Variants in NCBP3 observed in about 807,000 individuals in gnomAD.
NCBP3 encodes the protein nuclear cap binding subunit 3.
In NCBP3, 20 loss-of-function variants were observed where a neutral mutation model predicts 75.7. That is an observed-to-expected ratio of 0.26 (90% CI 0.19 to 0.38). NCBP3 has a LOEUF of 0.38. Ranked by LOEUF, NCBP3 falls within the 10% of genes least tolerant of loss-of-function variation. The probability of loss-of-function intolerance (pLI) is 1.00; values close to 1 mark genes in which losing one functional copy is unlikely to be tolerated. For missense variants in NCBP3, 678 were observed against 796.9 expected, an observed-to-expected ratio of 0.85 and a Z score of 1.80; for synonymous variants, 293 against 290.5, an observed-to-expected ratio of 1.01 and a Z score of -0.09.
At position 3,807,206 on chromosome 17, in the gene NCBP3, CA is replaced by C. The variant is rs1255083172; in HGVS notation, c.*5837del. Reference sequence around the variant, plus strand: ...AGGACCACAGGCTTAAGAACTGGCTCAGCAGTCCTTCTTTAGGGTCTAGCGC... The same window carrying C: ...AGGACCACAGGCTTAAGAACTGGCTCGCAGTCCTTCTTTAGGGTCTAGCGC... On this transcript the variant is annotated 3_prime_UTR_variant, in exon 13 of 13. Coordinates refer to ENST00000389005, the MANE Select transcript of NCBP3 (RefSeq NM_001114118.3). The C allele has an allele frequency of 6.6e-6, 1 of 152,238 alleles. No individual in the cohort carries two copies. The highest frequency in any genetic ancestry group is 1.5e-5 in the Non-Finnish European group (1 of 68,054). The allele number at this position is 152,238 out of a possible 1,614,324, so 9.4% of individuals were successfully genotyped here. A position where few individuals can be genotyped will look rare whatever the true frequency, so the allele number is the denominator to read the frequency against.
Position 3,813,150 on chromosome 17 carries a change from T to C in NCBP3, c.1757A>G (p.Lys586Arg). ...ELQRAWGALIKEKEQSRQKKS... is the reference protein window; with the variant it reads ...ELQRAWGALIREKEQSRQKKS... ...CTTTTGGCGAGACTGCTCTTTCTCC[T>C]TAATCAGAGCCCCCCATGCCCTTTG... is the stretch of plus-strand genomic sequence containing the variant. The change falls in exon 13 of 13, where the codon AAG (lysine) becomes AGG (arginine). Residue 586 changes from lysine to arginine, a missense_variant. Transcript: ENST00000389005. 1 of 1,614,264 alleles carries C rather than the reference T, an allele frequency of 6.2e-7. No individual in the cohort carries two copies.
At position 3,837,981 on chromosome 17, in the gene NCBP3, T is replaced by TAA. The variant is rs1302157551; in HGVS notation, c.355+2117_355+2118dup. Among the ~76,000 whole-genome samples, 480 of 144,930 alleles carry TAA rather than the reference T, an allele frequency of 3.3e-3. 1 individual carries two copies. The highest frequency in any genetic ancestry group is 0.011 in the African/African-American group (415 of 36,648). Reference sequence around the variant, plus strand: ...GAACCGTGAGACTGGAGTTGTACGTTAAAAAAAAAAATTTTTTTAAATTAA... The same window carrying TAA: ...GAACCGTGAGACTGGAGTTGTACGTTAAAAAAAAAAAAATTTTTTTAAATTAA... On this transcript the variant is annotated intron_variant, in intron 3 of 12. Transcript: ENST00000389005.
At chr17:3,843,322 C>T (rs759287854) in intron 1 of NCBP3, among the ~76,000 whole-genome samples, 171 bp from the exon 2 acceptor site, 1 of 151,494 alleles carries the variant, frequency 6.6e-6, no homozygotes, top group Non-Finnish European at 1.5e-5. Flanking sequence ...CACAGCTCAC[C>T]GCAGCCTCGA....
At chr17:3,817,034 C>CA (rs113725373) in intron 10 of NCBP3, among the ~76,000 whole-genome samples, 13,542 of 142,396 alleles carry the variant, frequency 0.095, 1,170 homozygotes, top group African/African-American at 0.23. Flanking sequence ...GACTCCGTCT[C>CA]AAAAAAAAAA....
intron 3 of NCBP3, among the ~76,000 whole-genome samples, chr17:3,837,241 G>A (rs1704907001): frequency 6.8e-6 from 1 of 148,028 alleles, no homozygotes; most frequent in Non-Finnish European, 1.5e-5. Context: ...GCTCACACCT[G>A]TAATCCCAGC....
intron 2 of NCBP3, 122 bp downstream of exon 2, chr17:3,842,963 GA>G (rs1034081342): frequency 1.2e-5 from 11 of 909,796 alleles, no homozygotes; most frequent in Non-Finnish European, 1.5e-5. Flanking sequence ...ATTTTTTTTA[GA>G]AAAAAAATTT....
chr17:3,825,874 C>G (rs1203740175), intron 5 of NCBP3, 31 bp from the exon 6 acceptor site: 4 of 1,514,634 alleles, frequency 2.6e-6, no homozygotes, highest in Non-Finnish European at 3.6e-6. Context: ...CAAGATGAAA[C>G]AAGATAAAAT....
Position 3,812,893 on chromosome 17 carries a change from T to TA in NCBP3, c.*150dup. 2 of 1,453,342 alleles carry TA rather than the reference T, an allele frequency of 1.4e-6. No individual in the cohort carries two copies. Among genetic ancestry groups the TA allele is most frequent in the African/African-American group, 1.4e-5 (1 of 70,208 alleles). 90.0% of individuals were successfully genotyped at this position (1,453,342 alleles called of 1,614,324 possible). On this transcript the variant is annotated 3_prime_UTR_variant, in exon 13 of 13. Transcript: ENST00000389005. Reference sequence around the variant, plus strand: ...TGCCCTTGAAAATGTGTCACATTCTTAAGATGTCTTGCCGAAGTAGCAAGA... The same window carrying TA: ...TGCCCTTGAAAATGTGTCACATTCTTAAAGATGTCTTGCCGAAGTAGCAAGA...
intron 12 of NCBP3, among the ~76,000 whole-genome samples, chr17:3,813,655 T>G (rs2053468450): frequency 6.6e-6 from 1 of 152,218 alleles, no homozygotes; most frequent in Non-Finnish European, 1.5e-5. Flanking sequence ...TTCCATTAAT[T>G]TTTGAAATAT....
In NCBP3 at chr17:3,813,100, A is replaced by ATGGTAAGTT; in HGVS notation, c.1798_1806dup (p.Asn600_Pro602dup). 6.2e-7 allele frequency: 1 copy of ATGGTAAGTT among 1,614,210 alleles called. No homozygotes were observed. Among genetic ancestry groups the ATGGTAAGTT allele is most frequent in the East Asian group, 2.2e-5 (1 of 44,882 alleles). On this transcript the variant is annotated inframe_insertion, in exon 13 of 13. Transcript: ENST00000389005. ...TCCCGACTAACTTCAATCTGGAGAGATGGTAAGTTATCTAACCGGCTCTTC... is the reference window on the plus strand; with the variant it reads ...TCCCGACTAACTTCAATCTGGAGAGATGGTAAGTTTGGTAAGTTATCTAACCGGCTCTTC...
chr17:3,816,483 G>A (rs1005239918), intron 10 of NCBP3, among the ~76,000 whole-genome samples: 4 of 152,192 alleles, frequency 2.6e-5, no homozygotes, highest in African/African-American at 7.2e-5. Flanking sequence ...GCAGGTTTTC[G>A]AAGGTGGTTT....
At chr17:3,819,648 T>C (rs181190301) in intron 9 of NCBP3, among the ~76,000 whole-genome samples, 7 of 151,966 alleles carry the variant, frequency 4.6e-5, no homozygotes, top group Non-Finnish European at 5.9e-5. Flanking sequence ...CTATGTACGA[T>C]TCAGTATTTG....
Position 3,805,820 on chromosome 17 carries a change from T to C in NCBP3, c.*7224A>G, listed in dbSNP as rs2053331392. The C allele has an allele frequency of 6.6e-6, 1 of 152,302 alleles. No individual in the cohort carries two copies. The highest frequency in any genetic ancestry group is 2.4e-5 in the African/African-American group (1 of 41,436). 9.4% of individuals were successfully genotyped at this position (152,302 alleles called of 1,614,324 possible). On this transcript the variant is annotated 3_prime_UTR_variant, in exon 13 of 13. Transcript: ENST00000389005. ...GAAGGAAACTGGAGCTCACCCCAGT[T>C]GAGCCCTCCATTTGACAGACAGGGA...
At chr17:3,837,566 T>C (rs2053996527) in intron 3 of NCBP3, among the ~76,000 whole-genome samples, 1 of 150,026 alleles carries the variant, frequency 6.7e-6, no homozygotes, top group African/African-American at 2.5e-5. Flanking sequence ...ACCCTGTCTC[T>C]ACTAAAAAAT....
rs1228142184 is a variant in NCBP3, at chr17:3,832,365, G to C, written c.356-2997C>G. Reference sequence around the variant, plus strand: ...AAAGAATTTAATGGGCAGGCGCGGTGGCTCACGCCTGTAATCCCAGCACTT... The same window carrying C: ...AAAGAATTTAATGGGCAGGCGCGGTCGCTCACGCCTGTAATCCCAGCACTT... On this transcript the variant is annotated intron_variant, in intron 3 of 12. Coordinates refer to ENST00000389005, the MANE Select transcript of NCBP3 (RefSeq NM_001114118.3). 2.5e-5 allele frequency among the ~76,000 whole-genome samples: 3 copies of C among 120,496 alleles called. 1 individual carries two copies. The highest frequency in any genetic ancestry group is 3.2e-4 in the East Asian group (1 of 3,092). The allele number at this position is 120,496 out of a possible 152,430, so 79.1% of individuals were successfully genotyped here.
intron 2 of NCBP3, among the ~76,000 whole-genome samples, chr17:3,842,389 C>T (rs2054080514): frequency 6.6e-6 from 1 of 152,114 alleles, no homozygotes; most frequent in African/African-American, 2.4e-5. Flanking sequence ...CGCACCACTG[C>T]ACTCCAGCCT....
chr17:3,814,857 T>C (rs1382455457), intron 11 of NCBP3, among the ~76,000 whole-genome samples: 1 of 151,984 alleles, frequency 6.6e-6, no homozygotes, highest in Non-Finnish European at 1.5e-5. Context: ...TAGTTCCCAA[T>C]AAACTTATTA....
At chr17:3,821,381 TC>T (rs1331878981) in intron 8 of NCBP3, 29 bp from the exon 9 acceptor site, 3 of 1,546,292 alleles carry the variant, frequency 1.9e-6, no homozygotes, top group Non-Finnish European at 2.7e-6. Flanking sequence ...AAGCACACAA[TC>T]AAAAACTGAT....
intron 3 of NCBP3, among the ~76,000 whole-genome samples, chr17:3,838,279 C>T (rs2054009901): frequency 6.6e-6 from 1 of 152,214 alleles, no homozygotes; most frequent in African/African-American, 2.4e-5. Context: ...AAGGCATGAG[C>T]CGTATCAGAG....
Sources: allele counts gnomAD v4.1 joint callset (sites outside exome capture counted in the v4.1 genomes callset), GRCh38; gene constraint gnomAD v4.1.1; transcripts MANE v1.5; gene names NCBI Gene and HGNC (gene_info 2026-07-23, HGNC 2026-07-21).